Variants in USP9X observed in about 807,000 individuals in gnomAD.
USP9X encodes the protein ubiquitin carboxyl-terminal hydrolase 9X.
Under a neutral mutation model 190.3 loss-of-function variants are expected in USP9X, and 7 were observed. The observed-to-expected ratio is 0.04, with a 90% CI of 0.02 to 0.07. The LOEUF (loss-of-function observed/expected upper bound fraction) is 0.07. USP9X is among the 10% of genes least tolerant of loss of function. The pLI is 1.00. For missense variants in USP9X, 1,010 were observed against 1,916.9 expected (o/e 0.53, Z 8.83); for synonymous variants, 645 against 659.5 (o/e 0.98, Z 0.34).
intron 38 of USP9X, among the ~76,000 whole-genome samples, chrX:41,222,022 T>C (rs1490137181): frequency 9.0e-6 from 1 of 111,494 alleles, no homozygotes; most frequent in Admixed American, 9.6e-5. Context: ...TACCATTTAC[T>C]GAGGGGAAAC....
chrX:41,170,320 T>C, intron 19 of USP9X, 85 bp downstream of exon 19: 1 of 1,096,425 alleles, frequency 9.1e-7, no homozygotes, highest in Non-Finnish European at 1.2e-6. Flanking sequence ...GAGCATTTGT[T>C]ATGTTTGGGA....
At chrX:41,215,782 G>T in intron 34 of USP9X, 117 bp from the exon 35 acceptor site, 1 of 729,662 alleles carries the variant, frequency 1.4e-6, no homozygotes, top group Non-Finnish European at 2.0e-6. Context: ...TCATGTATTT[G>T]TTTATACTTA....
chrX:41,227,826 G>A (rs1482381135), intron 41 of USP9X, among the ~76,000 whole-genome samples: 1 of 110,576 alleles, frequency 9.0e-6, no homozygotes, highest in Non-Finnish European at 1.9e-5. Flanking sequence ...TCAGCCTCCC[G>A]AGTAGCTGGG....
chrX:41,132,910 C>G (rs2062336467), intron 4 of USP9X, among the ~76,000 whole-genome samples: 2 of 111,237 alleles, frequency 1.8e-5, no homozygotes, highest in Admixed American at 1.9e-4. Context: ...TTTTTTTTCC[C>G]CCAATGACTT....
chrX:41,149,257 A>G (rs1569168747), intron 12 of USP9X, among the ~76,000 whole-genome samples: 1 of 111,765 alleles, frequency 8.9e-6, no homozygotes, highest in East Asian at 2.8e-4. Context: ...TTATTTCATT[A>G]AACCAAGGGT....
At chrX:41,183,091 A>G (rs1041768250) in intron 21 of USP9X, among the ~76,000 whole-genome samples, 8 of 110,060 alleles carry the variant, frequency 7.3e-5, no homozygotes, top group African/African-American at 2.3e-4. Flanking sequence ...GGCGCATGCC[A>G]CCACGCCCGG....
At chrX:41,162,422 AAT>A (rs2062641682) in intron 14 of USP9X, among the ~76,000 whole-genome samples, 1 of 111,990 alleles carries the variant, frequency 8.9e-6, no homozygotes. Context: ...AACACCTTTC[AAT>A]ATAACAGGTA....
chrX:41,207,709 G>A (rs745524825), intron 32 of USP9X, among the ~76,000 whole-genome samples: 1 of 111,002 alleles, frequency 9.0e-6, no homozygotes, highest in South Asian at 3.8e-4. Context: ...GTGCTTCCCG[G>A]CCAGCTGAGA....
At chrX:41,133,515 CTT>C (rs1018246897) in intron 4 of USP9X, among the ~76,000 whole-genome samples, 4 of 111,743 alleles carry the variant, frequency 3.6e-5, no homozygotes, top group African/African-American at 1.3e-4. Context: ...GTTTTACTCT[CTT>C]AGTTATTTTA....
chrX:41,158,064 G>A (rs1042416729), intron 14 of USP9X, among the ~76,000 whole-genome samples: 8 of 111,344 alleles, frequency 7.2e-5, no homozygotes, highest in African/African-American at 2.6e-4. Context: ...TGAACCTGAA[G>A]ATAGATTAGT....
chrX:41,125,296 G>A (rs188470687), intron 2 of USP9X, among the ~76,000 whole-genome samples: 3 of 109,183 alleles, frequency 2.7e-5, no homozygotes, highest in African/African-American at 1.0e-4. Flanking sequence ...GGCTGGTCTC[G>A]AACTCCTTAC....
chrX:41,087,184 C>T (rs370567111), intron 1 of USP9X, among the ~76,000 whole-genome samples: 14 of 112,746 alleles, frequency 1.2e-4, no homozygotes, highest in East Asian at 5.5e-4. Flanking sequence ...ATTAAATATT[C>T]ATGCTTTATT....
intron 33 of USP9X, among the ~76,000 whole-genome samples, chrX:41,213,329 G>C (rs2063182634): frequency 9.0e-6 from 1 of 111,326 alleles, no homozygotes; most frequent in African/African-American, 3.3e-5. Context: ...ACTCTACTTT[G>C]AGTGCCCATA....
chrX:41,166,617 A>C (rs1043657710), intron 16 of USP9X, among the ~76,000 whole-genome samples: 5 of 112,204 alleles, frequency 4.5e-5, no homozygotes, highest in African/African-American at 1.6e-4. Flanking sequence ...TTATGAGTAT[A>C]TGCTTTATTG....
At chrX:41,105,608 G>T (rs975078057) in intron 1 of USP9X, among the ~76,000 whole-genome samples, 1 of 111,882 alleles carries the variant, frequency 8.9e-6, no homozygotes, top group African/African-American at 3.3e-5. Flanking sequence ...TATGAACATG[G>T]GTGTACAAGT....
chrX:41,131,067 CAAT>C (rs1427477577), intron 3 of USP9X, among the ~76,000 whole-genome samples: 9 of 109,587 alleles, frequency 8.2e-5, no homozygotes, highest in African/African-American at 3.0e-4. Flanking sequence ...GGTGGCGGGG[CAAT>C]GAAGAGGTTT....
At chrX:41,094,650 A>G (rs1297530313) in intron 1 of USP9X, among the ~76,000 whole-genome samples, 1 of 111,636 alleles carries the variant, frequency 9.0e-6, no homozygotes, top group Non-Finnish European at 1.9e-5. Context: ...CCTTATCCAT[A>G]ATATTTGGGA....
At chrX:41,141,996 A>T (rs1292873437) in intron 9 of USP9X, among the ~76,000 whole-genome samples, 1 of 111,760 alleles carries the variant, frequency 8.9e-6, no homozygotes, top group Non-Finnish European at 1.9e-5. Flanking sequence ...TTACAGTGCC[A>T]ATATTTTTTG....
intron 1 of USP9X, among the ~76,000 whole-genome samples, chrX:41,115,240 AAG>A (rs1227485732): frequency 1.1e-4 from 8 of 70,541 alleles, no homozygotes. Flanking sequence ...AAAAAAGAAA[AAG>A]AAAAAAAAAA....
Sources: gnomAD v4.1 joint callset for allele counts (sites outside exome capture counted in the v4.1 genomes callset) on GRCh38, gnomAD v4.1.1 for gene constraint, MANE v1.5 for transcripts, NCBI Gene and HGNC (gene_info 2026-07-23, HGNC 2026-07-21) for gene names.